LIMS2: variants seen among roughly 807,000 people sequenced by gnomAD.
The protein encoded by LIMS2 is LIM and senescent cell antigen-like-containing domain protein 2.
LIMS2 carries 30 observed loss-of-function variants against 45.3 expected under a neutral mutation model. That is an observed-to-expected ratio of 0.66 (90% CI 0.50 to 0.90). The LOEUF is 0.90. LIMS2 is among the 40% of genes least tolerant of loss of function. The pLI, the probability that LIMS2 is intolerant of heterozygous loss-of-function variation, is 0.00. For synonymous variants in LIMS2, 173 were observed against 188.0 expected (o/e 0.92, Z 0.65); for missense variants, 485 against 468.7 (o/e 1.03, Z -0.32).
chr2:127,678,699 G>A (rs1346009387), upstream of LIMS2, among the ~76,000 whole-genome samples: 1 of 152,202 alleles, frequency 6.6e-6, no homozygotes, highest in Non-Finnish European at 1.5e-5. The surrounding 1 kb of genome is among the most constrained non-coding windows in gnomAD (Gnocchi z 5.3). Context: ...TGTGGCAGGT[G>A]TGAATGTACA....
intron 4 of LIMS2, 107 bp from the exon 5 acceptor site, chr2:127,643,179 G>T (rs1682610196): frequency 1.3e-5 from 16 of 1,237,924 alleles, no homozygotes; most frequent in Non-Finnish European, 1.5e-5. Flanking sequence ...GCAGCTGGGG[G>T]CTTCAAAGGG....
At chr2:127,640,586 G>A in intron 7 of LIMS2, 1 of 600,514 alleles carries the variant, frequency 1.7e-6, no homozygotes, top group South Asian at 2.0e-5. Context: ...CCCAGGTGGT[G>A]ACTGCATCCC....
chr2:127,673,972 A>C (rs1295848581), intron 1 of LIMS2: 3 of 536,468 alleles, frequency 5.6e-6, no homozygotes, highest in East Asian at 3.3e-5. Flanking sequence ...GGGGAGAAGA[A>C]AGGGAAGTGT....
chr2:127,658,120 G>A (rs1684382845), intron 1 of LIMS2, among the ~76,000 whole-genome samples: 2 of 152,218 alleles, frequency 1.3e-5, no homozygotes, highest in Admixed American at 1.3e-4. Flanking sequence ...GTGCAGAATG[G>A]CTCAAGCCTG....
chr2:127,641,226 A>G (rs1682371134), intron 6 of LIMS2: 1 of 495,612 alleles, frequency 2.0e-6, no homozygotes, highest in Admixed American at 3.3e-5. Context: ...TGGGGTCAGC[A>G]GACCCTACCC....
intron 6 of LIMS2, 177 bp from the exon 7 acceptor site, chr2:127,641,165 C>T (rs1407637875): frequency 1.7e-6 from 1 of 596,094 alleles, no homozygotes; most frequent in Non-Finnish European, 3.0e-6. Flanking sequence ...CAGGTGCAGG[C>T]CTTTCAGGAT....
chr2:127,639,386 C>A lies in LIMS2; in HGVS notation c.921G>T (p.Arg307Ser), dbSNP rs1479802505. The A allele has an allele frequency of 6.2e-7, 1 of 1,613,956 alleles. No homozygotes were observed. The highest frequency in any genetic ancestry group is 1.1e-5 in the South Asian group (1 of 91,086). Residue 307 changes from arginine (R) to serine (S), a missense_variant, in exon 10 of 10, where the codon AGG becomes AGT. Arg to Ser is a moderately radical substitution (Grantham distance 110). Transcript: ENST00000355119. ...GCTCCAGCGGGAACTTCTCGTAGCA[C>A]CTCTTACACACGGGCTTCATGTCGA... ...VEFDMKPVCK[R>S]CYEKFPLELK...
intron 1 of LIMS2, among the ~76,000 whole-genome samples, chr2:127,659,017 A>G (rs1165789841): frequency 2.6e-5 from 4 of 151,978 alleles, no homozygotes; most frequent in Non-Finnish European, 5.9e-5. Flanking sequence ...AAGAGTGTCA[A>G]CCACAGAGAA....
Position 127,664,544 on chromosome 2 carries a change from C to T in LIMS2, c.12-6982G>A, listed in dbSNP as rs969310298. 9.8e-5 allele frequency: 113 copies of T among 1,150,730 alleles called. No homozygotes were observed. The highest frequency in any genetic ancestry group is 1.2e-4 in the Non-Finnish European group (108 of 936,532). 71.3% of individuals were successfully genotyped at this position (1,150,730 alleles called of 1,614,324 possible). On this transcript the variant is annotated intron_variant, in intron 1 of 9. Transcript: ENST00000355119. This position sits in a 1 kb window ranked among gnomAD's most constrained non-coding sequence, Gnocchi z 5.5. ...CCGCGCTGGTCGCGAGCTCACGTTA[C>T]GCGCTGGGATCTCCAAAGGGCAGCA...
chr2:127,654,569 G>T (rs1308700058), intron 3 of LIMS2, 25 bp from the exon 4 acceptor site: 3 of 1,613,856 alleles, frequency 1.9e-6, no homozygotes, highest in African/African-American at 1.3e-5. Context: ...GTCCCTGCTG[G>T]CTGGGGAGCA....
At chr2:127,681,569 G>C (rs1558908318) in exon 1 of LIMS2, 1 of 152,358 alleles carries the variant, frequency 6.6e-6, no homozygotes, top group African/African-American at 2.4e-5. Context: ...GGGTCAGGAG[G>C]AGACGGAAGA....
intron 1 of LIMS2, chr2:127,673,742 T>G: frequency 6.4e-7 from 1 of 1,551,358 alleles, no homozygotes; most frequent in Non-Finnish European, 8.7e-7. Context: ...CACTTTCTTT[T>G]CCTAGAAAAC....
intron 4 of LIMS2, chr2:127,650,908 G>C (rs369485456): frequency 7.4e-6 from 12 of 1,613,988 alleles, no homozygotes; most frequent in Non-Finnish European, 1.0e-5. Context: ...CTTTTCATCC[G>C]AGACCACAAG....
chr2:127,662,182 T>G (rs542667890), intron 1 of LIMS2, among the ~76,000 whole-genome samples: 1 of 152,276 alleles, frequency 6.6e-6, no homozygotes, highest in South Asian at 2.1e-4. Flanking sequence ...AGCACAGGAC[T>G]CTGAACCTCA....
chr2:127,662,489 C>G (rs1329262075), intron 1 of LIMS2, among the ~76,000 whole-genome samples: 1 of 151,858 alleles, frequency 6.6e-6, no homozygotes, highest in Non-Finnish European at 1.5e-5. Context: ...CACATGAGGT[C>G]AACAAAAATG....
intron 4 of LIMS2, among the ~76,000 whole-genome samples, chr2:127,644,852 G>T (rs928755799): frequency 6.6e-6 from 1 of 152,204 alleles, no homozygotes; most frequent in African/African-American, 2.4e-5. Flanking sequence ...GGCACAACAG[G>T]AAAGAGACCT....
In LIMS2 at chr2:127,654,275, G is replaced by C. The variant is rs902894414; in HGVS notation, c.359+149C>G. 7 of 1,069,704 alleles carry C rather than the reference G, an allele frequency of 6.5e-6. No individual in the cohort carries two copies. In the South Asian group the frequency reaches 1.0e-4, roughly 16 times the overall value. The allele number at this position is 1,069,704 out of a possible 1,614,324, so 66.3% of individuals were successfully genotyped here. On this transcript the variant is annotated intron_variant, in intron 4 of 9. Coordinates refer to ENST00000355119, the MANE Select transcript of LIMS2 (RefSeq NM_001161403.3). ...GGAGCTGGACTATCCGCCCCGGGGT[G>C]ACCTGGAGGGAGGGCAGCTACATCA...
intron 2 of LIMS2, among the ~76,000 whole-genome samples, chr2:127,656,937 C>A (rs1684296671): frequency 6.6e-6 from 1 of 152,214 alleles, no homozygotes; most frequent in African/African-American, 2.4e-5. Context: ...TGTTCTCCCA[C>A]CACAGGGTAT....
At chr2:127,654,670 G>T (rs1402624743) in intron 3 of LIMS2, 126 bp from the exon 4 acceptor site, 1 of 1,508,298 alleles carries the variant, frequency 6.6e-7, no homozygotes, top group Non-Finnish European at 9.1e-7. Flanking sequence ...CTCGTGGGAT[G>T]GTGATGCCTG....
Sources: allele counts gnomAD v4.1 joint callset (sites outside exome capture counted in the v4.1 genomes callset), GRCh38; gene constraint gnomAD v4.1.1; non-coding constraint Gnocchi (gnomAD v3.1); transcripts MANE v1.5; gene names NCBI Gene and HGNC (gene_info 2026-07-23, HGNC 2026-07-21).